The following SCML2 variants were observed in gnomAD, a reference collection of about 807,000 sequenced individuals.
SCML2 encodes Scm polycomb group protein like 2.
A neutral mutation model predicts 48.4 loss-of-function variants in SCML2; 6 were observed. The ratio of observed to expected loss-of-function variants is 0.12; its 90% CI spans 0.07 to 0.24. The LOEUF (loss-of-function observed/expected upper bound fraction) is 0.24, where lower values mean the gene tolerates loss of function less well. Ranked by LOEUF, SCML2 falls within the 10% of genes least tolerant of loss-of-function variation. SCML2 has a pLI of 1.00. For missense variants in SCML2, 377 were observed against 528.2 expected (o/e 0.71, Z 2.81); for synonymous variants, 181 against 189.5 (o/e 0.95, Z 0.37).
chrX:18,316,948 T>C (rs1929141121), intron 6 of SCML2, among the ~76,000 whole-genome samples: 1 of 112,196 alleles, frequency 8.9e-6, no homozygotes, highest in Admixed American at 9.4e-5. Context: ...CCTCCATCCA[T>C]GGGAAAATTG....
intron 6 of SCML2, among the ~76,000 whole-genome samples, chrX:18,305,669 G>C (rs1293463326): frequency 1.8e-5 from 2 of 109,678 alleles, no homozygotes; most frequent in Non-Finnish European, 3.8e-5. Flanking sequence ...GTGTCAAAAA[G>C]TGGTAAGTCC....
chrX:18,244,579 G>T (rs771914752), intron 13 of SCML2, among the ~76,000 whole-genome samples: 1 of 111,594 alleles, frequency 9.0e-6, no homozygotes. Flanking sequence ...AAGTTTGCAA[G>T]CATTACATTA....
intron 3 of SCML2, among the ~76,000 whole-genome samples, chrX:18,328,282 G>A (rs1203928127): frequency 9.0e-6 from 1 of 111,427 alleles, no homozygotes; most frequent in Non-Finnish European, 1.9e-5. Context: ...AGAGATAGAA[G>A]TTTCTCAGCT....
rs569528754 is a variant in SCML2, at chrX:18,320,727, T to G, written c.398-307A>C. On this transcript the variant is annotated intron_variant, in intron 5 of 14. Transcript: ENST00000251900. ...GATCTAAGCTGGAGCCTAGGAGAGC[T>G]TCCATTCCACCACCAACAATCACAC... Among the ~76,000 whole-genome samples, 6 of 111,033 alleles carry G rather than the reference T, an allele frequency of 5.4e-5. No homozygotes were observed. The South Asian group carries it at 2.3e-3, about 43-fold the overall frequency.
At chrX:18,328,288 C>T (rs1929548469) in intron 3 of SCML2, among the ~76,000 whole-genome samples, 1 of 111,377 alleles carries the variant, frequency 9.0e-6, no homozygotes, top group South Asian at 3.7e-4. Context: ...AGAAGTTTCT[C>T]AGCTGAATGA....
intron 8 of SCML2, among the ~76,000 whole-genome samples, chrX:18,263,818 T>G (rs1376211835): frequency 9.0e-6 from 1 of 110,746 alleles, no homozygotes; most frequent in Non-Finnish European, 1.9e-5. Context: ...GATAGTTTTT[T>G]TTTTTTTTTT....
At chrX:18,343,923 T>TAAAAAAAA (rs1203495780) in intron 1 of SCML2, among the ~76,000 whole-genome samples, 2 of 53,283 alleles carry the variant, frequency 3.8e-5, no homozygotes, top group African/African-American at 7.6e-5. Flanking sequence ...TGCCTCTATT[T>TAAAAAAAA]AAAAAAAAAA....
chrX:18,263,223 C>A (rs1441551747), intron 8 of SCML2, among the ~76,000 whole-genome samples: 1 of 110,289 alleles, frequency 9.1e-6, no homozygotes, highest in Non-Finnish European at 1.9e-5. Context: ...TAATATTGTA[C>A]CACTTCACAT....
intron 7 of SCML2, among the ~76,000 whole-genome samples, chrX:18,298,431 A>G (rs748894488): frequency 8.9e-6 from 1 of 112,306 alleles, no homozygotes; most frequent in Non-Finnish European, 1.9e-5. Flanking sequence ...GACCTATAAA[A>G]CAGAAAACCC....
At position 18,305,763 on chromosome X, in the gene SCML2, A is replaced by T. The variant is rs984250768; in HGVS notation, c.487-548T>A. On this transcript the variant is annotated intron_variant, in intron 6 of 14. Transcript: ENST00000251900. The stretch of plus-strand genomic sequence containing the variant: ...AAAGAAAATGAATAACTTAAAATTT[A>T]AAAAAAAAAAAGAAACTGTAAGTAT... 7.6e-5 allele frequency among the ~76,000 whole-genome samples: 8 copies of T among 104,943 alleles called. No homozygotes were observed. In the East Asian group the frequency reaches 8.8e-4, roughly 12 times the overall value. The allele number at this position is 104,943 out of a possible 115,157, so 91.1% of individuals were successfully genotyped here.
rs1367598619 is a variant in SCML2, at chrX:18,239,916, G to C, written c.*1335C>G. On this transcript the variant is annotated 3_prime_UTR_variant, in exon 15 of 15. Coordinates refer to ENST00000251900, the MANE Select transcript of SCML2 (RefSeq NM_006089.3). ...AGAATTGCTTGAACCAGGGAGGCGAGGTTGCAGTGAGCCGAGATCGAGCTA... is the reference window on the plus strand; with the variant it reads ...AGAATTGCTTGAACCAGGGAGGCGACGTTGCAGTGAGCCGAGATCGAGCTA... The C allele has an allele frequency of 9.0e-6, 1 of 111,653 alleles. No individual in the cohort carries two copies. The highest frequency in any genetic ancestry group is 3.3e-5 in the African/African-American group (1 of 30,566). The allele number at this position is 111,653 out of a possible 1,213,427, so 9.2% of individuals were successfully genotyped here.
chrX:18,291,372 T>C (rs960583083), intron 7 of SCML2, among the ~76,000 whole-genome samples: 4 of 112,183 alleles, frequency 3.6e-5, no homozygotes, highest in Non-Finnish European at 5.6e-5. Context: ...AGTTTCTCAG[T>C]GATTTTTTTC....
At chrX:18,317,707 G>A (rs1007838777) in intron 6 of SCML2, among the ~76,000 whole-genome samples, 3 of 108,781 alleles carry the variant, frequency 2.8e-5, no homozygotes, top group African/African-American at 1.0e-4. Context: ...GGTAGCAGGC[G>A]CCTGTAGTCC....
chrX:18,257,592 T>C (rs1027936156), intron 10 of SCML2, among the ~76,000 whole-genome samples: 1 of 110,627 alleles, frequency 9.0e-6, no homozygotes, highest in Non-Finnish European at 1.9e-5. Flanking sequence ...TATACTAATA[T>C]AATAAATATT....
intron 7 of SCML2, among the ~76,000 whole-genome samples, chrX:18,303,991 C>A (rs982577479): frequency 4.5e-5 from 5 of 111,917 alleles, no homozygotes; most frequent in Non-Finnish European, 7.5e-5. Context: ...TACTTAGTAG[C>A]GTTAGTTTTT....
At chrX:18,283,367 CATTCCCCTTAAGAACTGG>C (rs1927930541) in intron 7 of SCML2, among the ~76,000 whole-genome samples, 1 of 111,943 alleles carries the variant, frequency 8.9e-6, no homozygotes, top group Admixed American at 9.5e-5. Context: ...AAGCTGGAAC[CATTCCCCTTAAGAACTGG>C]AACAAGTCAA....
chrX:18,351,230 ACTGCACTACAGC>A (rs1930365726), intron 1 of SCML2, among the ~76,000 whole-genome samples: 1 of 109,126 alleles, frequency 9.2e-6, no homozygotes, highest in Non-Finnish European at 1.9e-5. Flanking sequence ...AGATCACGCC[ACTGCACTACAGC>A]CTGGGCAACA....
rs772799822 is a variant in SCML2 at position 18,340,514 on chromosome X, CAT to C, written c.-24-6421_-24-6420del. ...AGTTACTGCTTATTTTGCAATCTAA[CAT>C]GTGATAAACAAGGCCGGATGTGGTG... On this transcript the variant is annotated intron_variant, in intron 1 of 14. Transcript: ENST00000251900. 7.4e-4 allele frequency among the ~76,000 whole-genome samples: 83 copies of C among 112,340 alleles called. 1 individual carries two copies. The highest frequency in any genetic ancestry group is 1.4e-3 in the Non-Finnish European group (72 of 53,252).
chrX:18,276,323 G>A (rs1927635996), intron 7 of SCML2, among the ~76,000 whole-genome samples: 1 of 110,275 alleles, frequency 9.1e-6, no homozygotes, highest in Admixed American at 9.6e-5. Context: ...AAACAGTTTG[G>A]CAGTTCTTCA....
Sources: gnomAD v4.1 joint callset for allele counts (sites outside exome capture counted in the v4.1 genomes callset) on GRCh38, gnomAD v4.1.1 for gene constraint, MANE v1.5 for transcripts, NCBI Gene and HGNC (gene_info 2026-07-23, HGNC 2026-07-21) for gene names.